The following ATP13A2 variants were observed in gnomAD, a reference collection of about 807,000 sequenced individuals.
The protein encoded by ATP13A2 is polyamine-transporting ATPase 13A2.
ATP13A2 carries 83 observed loss-of-function variants against 138.3 expected under a neutral mutation model. That is an observed-to-expected ratio of 0.60 (90% CI 0.50 to 0.72). The LOEUF (loss-of-function observed/expected upper bound fraction) is 0.72, where lower values mean the gene tolerates loss of function less well. Ranked by LOEUF, ATP13A2 falls within the 30% of genes least tolerant of loss-of-function variation. The pLI is 0.00. For synonymous variants in ATP13A2, 663 were observed against 699.0 expected (o/e 0.95, Z 0.81); for missense variants, 1,402 against 1,606.4 (o/e 0.87, Z 2.17).
rs927365149 is a variant in ATP13A2 at position 16,986,519 on chromosome 1, T to C, written c.3349A>G (p.Lys1117Glu). 2 of 1,612,642 alleles carry C rather than the reference T, an allele frequency of 1.2e-6. No homozygotes were observed. The highest frequency in any genetic ancestry group is 1.6e-4 in the Middle Eastern group (1 of 6,062). Residue 1117 changes from lysine (K) to glutamate (E), a missense_variant, in exon 28 of 29, where the codon AAG (lysine) becomes GAG (glutamate). Transcript: ENST00000326735. The surrounding 1 kb of genome is among the most constrained non-coding windows in gnomAD (Gnocchi z 6.9). ...ALRNITDTGF[K>E]LLLLGLVTLN... ...GTGACCAGACCCAGCAGCAGCAGCT[T>C]GAAGCCGGTGTCAGTGATGTTCCTC...
At chr1:17,005,158 G>A in intron 3 of ATP13A2, 86 bp from the exon 4 acceptor site, 2 of 1,579,536 alleles carry the variant, frequency 1.3e-6, no homozygotes, top group South Asian at 2.2e-5. Flanking sequence ...CCCTGCTGGA[G>A]AAGGCAGAAA....
In ATP13A2 at chr1:17,011,010, G is replaced by C. The variant is rs2077766911; in HGVS notation, c.10+719C>G. 6.6e-6 allele frequency among the ~76,000 whole-genome samples: 1 copy of C among 152,122 alleles called. No individual in the cohort carries two copies. Among genetic ancestry groups the C allele is most frequent in the Non-Finnish European group, 1.5e-5 (1 of 68,026 alleles). ...CTCATTCCTTCCCCTCCCTCGCCGG[G>C]GGGTGCACTCTAGGCTGTGGGGCTG... On this transcript the variant is annotated intron_variant, in intron 1 of 28. Coordinates refer to ENST00000326735, the MANE Select transcript of ATP13A2 (RefSeq NM_022089.4). The surrounding 1 kb of genome is among the most constrained non-coding windows in gnomAD (Gnocchi z 7.3).
chr1:16,994,076 CT>C, intron 15 of ATP13A2, among the ~76,000 whole-genome samples: 1 of 152,242 alleles, frequency 6.6e-6, no homozygotes, highest in Non-Finnish European at 1.5e-5. Flanking sequence ...TGTCTTCCTC[CT>C]TAACTCCCAA....
Position 16,986,327 on chromosome 1 carries a change from A to G in ATP13A2, c.3437T>C (p.Leu1146Pro). ...SVLDQCLPACLRRLRPKRASK... is the reference protein window; with the variant it reads ...SVLDQCLPACPRRLRPKRASK... Reference sequence around the variant, plus strand: ...GGCCCGCTTGGGCCGGAGGCGGCGCAGGCAGGCGGGGAGGCACTGGTCTAG... The same window carrying G: ...GGCCCGCTTGGGCCGGAGGCGGCGCGGGCAGGCGGGGAGGCACTGGTCTAG... Residue 1146 changes from leucine to proline, a missense_variant, in exon 29 of 29, where the codon CTG (leucine) becomes CCG (proline). Leu to Pro is a moderately conservative substitution (Grantham distance 98). Transcript: ENST00000326735. The surrounding 1 kb of genome is among the most constrained non-coding windows in gnomAD (Gnocchi z 6.9). The G allele has an allele frequency of 1.3e-6, 2 of 1,584,870 alleles. No individual in the cohort carries two copies. Among genetic ancestry groups the G allele is most frequent in the Non-Finnish European group, 1.7e-6 (2 of 1,167,270 alleles).
In ATP13A2 at chr1:17,004,722, G is replaced by T; in HGVS notation, c.447C>A (p.His149Gln). Residue 149 changes from histidine (H) to glutamine (Q), a missense_variant, in exon 5 of 29, where the codon CAC (histidine) becomes CAA (glutamine). Coordinates refer to ENST00000326735, the MANE Select transcript of ATP13A2 (RefSeq NM_022089.4). This position sits in a 1 kb window ranked among gnomAD's most constrained non-coding sequence, Gnocchi z 4.1. ...EGAWKDTAQL[H>Q]KSEEAVSVGQ... ...CGACACTCACCGCCTCCTCGCTCTT[G>T]TGGAGCTGGGCCGTATCCTTCCAGG... The T allele has an allele frequency of 1.1e-5, 17 of 1,614,130 alleles. No individual in the cohort carries two copies. Among genetic ancestry groups the T allele is most frequent in the Non-Finnish European group, 1.4e-5 (17 of 1,180,028 alleles).
Position 16,990,230 on chromosome 1 carries a change from T to C in ATP13A2, c.2309A>G (p.Gln770Arg), listed in dbSNP as rs77630788. The change falls in exon 21 of 29, where the codon CAG becomes CGG. Residue 770 changes from glutamine (Q) to arginine (R), a missense_variant. Physicochemically the swap from Gln to Arg is conservative, Grantham distance 43. Coordinates refer to ENST00000326735, the MANE Select transcript of ATP13A2 (RefSeq NM_022089.4). ...VARGCGMVAPQEHLIIVHATH... is the reference protein window; with the variant it reads ...VARGCGMVAPREHLIIVHATH... ...GGCGTGGACGATGATCAGATGCTCCTGGGGGGCCACCATGCCACAGCCCCG... is the reference window on the plus strand; with the variant it reads ...GGCGTGGACGATGATCAGATGCTCCCGGGGGGCCACCATGCCACAGCCCCG... 6.2e-7 allele frequency: 1 copy of C among 1,613,940 alleles called. No homozygotes were observed. The highest frequency in any genetic ancestry group is 8.5e-7 in the Non-Finnish European group (1 of 1,180,020).
At chr1:17,009,589 T>G (rs2077705212) in intron 1 of ATP13A2, among the ~76,000 whole-genome samples, 1 of 151,854 alleles carries the variant, frequency 6.6e-6, no homozygotes, top group Admixed American at 6.6e-5. Flanking sequence ...GGACAGGGTC[T>G]CATTTTGTTG....
chr1:16,991,334 T>C (rs2076921859), intron 20 of ATP13A2, among the ~76,000 whole-genome samples: 1 of 151,114 alleles, frequency 6.6e-6, no homozygotes, highest in Non-Finnish European at 1.5e-5. Flanking sequence ...ATCCTTCTCC[T>C]TTGGCCTCCC....
chr1:17,004,172 G>A lies in ATP13A2; in HGVS notation c.557+160C>T, dbSNP rs1469099468. ...TATCTTCATGCCCTATTTATAGACAGAGATCCCAGGCCTGGAGGGGCTCAG... is the reference window on the plus strand; with the variant it reads ...TATCTTCATGCCCTATTTATAGACAAAGATCCCAGGCCTGGAGGGGCTCAG... On this transcript the variant is annotated intron_variant, in intron 6 of 28. Coordinates refer to ENST00000326735, the MANE Select transcript of ATP13A2 (RefSeq NM_022089.4). The surrounding 1 kb of genome is among the most constrained non-coding windows in gnomAD (Gnocchi z 4.1). Among the ~76,000 whole-genome samples the A allele has an allele frequency of 6.6e-6, 1 of 152,202 alleles. No homozygotes were observed. Among genetic ancestry groups the A allele is most frequent in the African/African-American group, 2.4e-5 (1 of 41,448 alleles).
chr1:17,008,311 T>C (rs1341376049), intron 1 of ATP13A2, among the ~76,000 whole-genome samples: 1 of 152,202 alleles, frequency 6.6e-6, no homozygotes. Flanking sequence ...CCAGCTAATT[T>C]TTTTTGTAGA....
At chr1:16,991,278 T>C (rs553365892) in intron 20 of ATP13A2, among the ~76,000 whole-genome samples, 1 of 151,250 alleles carries the variant, frequency 6.6e-6, no homozygotes, top group East Asian at 2.0e-4. Context: ...AGAGACGGAG[T>C]TTTGCCATGT....
chr1:17,004,455 C>A lies in ATP13A2; in HGVS notation c.478-44G>T, dbSNP rs1473676615. 6 of 1,605,132 alleles carry A rather than the reference C, an allele frequency of 3.7e-6. No homozygotes were observed. Among genetic ancestry groups the A allele is most frequent in the Non-Finnish European group, 5.1e-6 (6 of 1,174,048 alleles). ...AGGATGGGTTGGAAGCTGGCCCCGG[C>A]CCCAGAAGCAGTGTGCTTATGCTGG... On this transcript the variant is annotated intron_variant, in intron 5 of 28. Transcript: ENST00000326735. The surrounding 1 kb of genome is among the most constrained non-coding windows in gnomAD (Gnocchi z 4.1).
At chr1:17,006,495 C>A (rs1180717329) in intron 1 of ATP13A2, among the ~76,000 whole-genome samples, 1 of 152,128 alleles carries the variant, frequency 6.6e-6, no homozygotes, top group Non-Finnish European at 1.5e-5. Context: ...AAGTGATCTG[C>A]CCACTTTGGC....
rs1161396494 is a variant in ATP13A2 at position 16,999,191 on chromosome 1, A to G, written c.1039+820T>C. Among the ~76,000 whole-genome samples the G allele has an allele frequency of 2.6e-5, 4 of 151,356 alleles. No homozygotes were observed. The East Asian group carries it at 5.9e-4, about 22-fold the overall frequency. On this transcript the variant is annotated intron_variant, in intron 11 of 28. Coordinates refer to ENST00000326735, the MANE Select transcript of ATP13A2 (RefSeq NM_022089.4). ...AGGTCAGGAGTTCAAGACCAGTCTG[A>G]CCAACGTGGTGAAACCCCATCTCAA...
Position 16,988,463 on chromosome 1 carries a change from CCCA to C in ATP13A2, c.2618_2620del (p.Val873del). 2 of 1,613,834 alleles carry C rather than the reference CCCA, an allele frequency of 1.2e-6. No individual in the cohort carries two copies. Among genetic ancestry groups the C allele is most frequent in the African/African-American group, 1.3e-5 (1 of 75,056 alleles). ...GTCATTGGCGCCGTCTCCGCACATG[CCCA>C]CGCAGTACCTGAAGAGAGGTGTGGA... On this transcript the variant is annotated inframe_deletion, in exon 24 of 29. Coordinates refer to ENST00000326735, the MANE Select transcript of ATP13A2 (RefSeq NM_022089.4).
At chr1:16,988,724 C>T (rs1247395793) in intron 23 of ATP13A2, among the ~76,000 whole-genome samples, 1 of 151,898 alleles carries the variant, frequency 6.6e-6, no homozygotes, top group Non-Finnish European at 1.5e-5. Context: ...CCTCTGCCTC[C>T]TGGGCTCAAG....
intron 1 of ATP13A2, among the ~76,000 whole-genome samples, chr1:17,006,651 G>A (rs904903111): frequency 2.6e-5 from 4 of 152,100 alleles, no homozygotes; most frequent in Admixed American, 1.3e-4. Flanking sequence ...CATGGTGCTC[G>A]TGCATCCAGC....
chr1:16,993,509 A>G, intron 16 of ATP13A2, 120 bp downstream of exon 16: 1 of 1,021,970 alleles, frequency 9.8e-7, no homozygotes, highest in Non-Finnish European at 1.4e-6. Flanking sequence ...CGCCTGGCCT[A>G]TTATTATTAA....
Position 16,989,868 on chromosome 1 carries a change from G to A in ATP13A2, c.2529+19C>T, listed in dbSNP as rs986327732. On this transcript the variant is annotated intron_variant, in intron 22 of 28. Coordinates refer to ENST00000326735, the MANE Select transcript of ATP13A2 (RefSeq NM_022089.4). Reference sequence around the variant, plus strand: ...GCAGGGGAGGCGCAGGGCGGCCAGGGAGCTGGGGGCGGCCCTACCTTGGGC... The same window carrying A: ...GCAGGGGAGGCGCAGGGCGGCCAGGAAGCTGGGGGCGGCCCTACCTTGGGC... 5.0e-6 allele frequency: 8 copies of A among 1,608,474 alleles called. No individual in the cohort carries two copies. The highest frequency in any genetic ancestry group is 1.3e-5 in the African/African-American group (1 of 74,872).
Sources: gnomAD v4.1 joint callset for allele counts (sites outside exome capture counted in the v4.1 genomes callset) on GRCh38, gnomAD v4.1.1 for gene constraint, Gnocchi (gnomAD v3.1) non-coding constraint, MANE v1.5 for transcripts, NCBI Gene and HGNC (gene_info 2026-07-23, HGNC 2026-07-21) for gene names.